The following ZFHX3 variants were observed in gnomAD, a reference collection of about 807,000 sequenced individuals.
The protein encoded by ZFHX3 is zinc finger homeobox protein 3.
Under a neutral mutation model 279.1 loss-of-function variants are expected in ZFHX3, and 42 were observed. The observed-to-expected ratio is 0.15, with a 90% CI of 0.12 to 0.19. ZFHX3 has a LOEUF of 0.19. ZFHX3 is among the 10% of genes least tolerant of loss of function. The pLI, the probability that ZFHX3 is intolerant of heterozygous loss-of-function variation, is 1.00. For missense variants in ZFHX3, 4,981 were observed against 4,754.0 expected (o/e 1.05, Z -1.40); for synonymous variants, 2,293 against 1,957.8 (o/e 1.17, Z -4.52).
chr16:73,129,609 T>C (rs28522763), intron 7 of ZFHX3, among the ~76,000 whole-genome samples: 1 of 151,734 alleles, frequency 6.6e-6, no homozygotes, highest in South Asian at 2.1e-4. Flanking sequence ...AGTGTGTGCG[T>C]GTGTGTGCAT....
chr16:73,210,622 T>C (rs1380777744), intron 5 of ZFHX3, among the ~76,000 whole-genome samples: 2 of 152,168 alleles, frequency 1.3e-5, no homozygotes, highest in Non-Finnish European at 2.9e-5. Context: ...TAAAGTACCT[T>C]CAGTAAATAA....
At chr16:73,458,749 T>C (rs1243777597) in intron 2 of ZFHX3, among the ~76,000 whole-genome samples, 1 of 152,334 alleles carries the variant, frequency 6.6e-6, no homozygotes, top group East Asian at 1.9e-4. Context: ...ATGATAGTTT[T>C]CCTTTTTAGT....
In ZFHX3 at chr16:73,732,622, T is replaced by G. The variant is rs146884671; in HGVS notation, c.-1607-52382A>C. Reference sequence around the variant, plus strand: ...GTGCTTCTAGCTTCTGCTATGGTATTTGTCTAGTTATGGATGACAGAATTC... The same window carrying G: ...GTGCTTCTAGCTTCTGCTATGGTATGTGTCTAGTTATGGATGACAGAATTC... On this transcript the variant is annotated intron_variant, in intron 1 of 17. Coordinates refer to the ZFHX3 transcript ENST00000641206. Among the ~76,000 whole-genome samples, 676 of 152,368 alleles carry G rather than the reference T, an allele frequency of 4.4e-3. 4 individuals are homozygous for G. Among genetic ancestry groups the G allele is most frequent in the African/African-American group, 0.015 (626 of 41,592 alleles).
intron 2 of ZFHX3, among the ~76,000 whole-genome samples, chr16:73,562,469 G>T (rs2020384930): frequency 6.6e-6 from 1 of 151,886 alleles, no homozygotes; most frequent in South Asian, 2.1e-4. Context: ...GGTAGCGTGC[G>T]CCTGTAATCC....
intron 2 of ZFHX3, among the ~76,000 whole-genome samples, chr16:73,643,452 A>G (rs2052591198): frequency 6.6e-6 from 1 of 152,246 alleles, no homozygotes; most frequent in Non-Finnish European, 1.5e-5. Flanking sequence ...CTGATGCACA[A>G]AATTATTTTA....
At chr16:72,986,837 G>A (rs943319567) in intron 1 of ZFHX3, among the ~76,000 whole-genome samples, 2 of 152,186 alleles carry the variant, frequency 1.3e-5, no homozygotes, top group Non-Finnish European at 2.9e-5. Context: ...TGTTTTCAGA[G>A]TGTGAAATGG....
At chr16:73,800,442 C>T (rs1960111988) in intron 1 of ZFHX3, among the ~76,000 whole-genome samples, 1 of 152,118 alleles carries the variant, frequency 6.6e-6, no homozygotes, top group Non-Finnish European at 1.5e-5. Context: ...GTCTCGAACT[C>T]CTGACCTCAG....
Position 73,548,479 on chromosome 16 carries a change from T to TA in ZFHX3, c.-1546-92222dup, listed in dbSNP as rs1555524255. ...TTGGGTGTTTAGCCTTTTTTTTTTTTAAAAAAAAGTGCAATTATATAATAA... is the reference window on the plus strand; with the variant it reads ...TTGGGTGTTTAGCCTTTTTTTTTTTTAAAAAAAAAGTGCAATTATATAATAA... On this transcript the variant is annotated intron_variant, in intron 2 of 17. Coordinates refer to the ZFHX3 transcript ENST00000641206. Among the ~76,000 whole-genome samples the TA allele has an allele frequency of 8.1e-3, 1,216 of 150,482 alleles. 49 individuals carry two copies. The highest frequency in any genetic ancestry group is 0.06 in the Admixed American group (902 of 15,112).
At chr16:73,128,670 G>C (rs1431950836) in intron 7 of ZFHX3, among the ~76,000 whole-genome samples, 4 of 152,138 alleles carry the variant, frequency 2.6e-5, no homozygotes, top group Non-Finnish European at 2.9e-5. Context: ...CATTTCTTTT[G>C]ATCTTTTACC....
At chr16:73,804,073 C>T (rs1960208261) in intron 1 of ZFHX3, among the ~76,000 whole-genome samples, 1 of 152,172 alleles carries the variant, frequency 6.6e-6, no homozygotes, top group Non-Finnish European at 1.5e-5. Context: ...GGGAAGATCA[C>T]TTTAGCCTGG....
At chr16:73,594,388 C>G (rs1276387248) in intron 2 of ZFHX3, among the ~76,000 whole-genome samples, 1 of 152,046 alleles carries the variant, frequency 6.6e-6, no homozygotes, top group East Asian at 1.9e-4. Flanking sequence ...AAAAATAAAT[C>G]AATTACCTTC....
intron 3 of ZFHX3, among the ~76,000 whole-genome samples, chr16:73,333,123 T>C (rs1325760132): frequency 6.6e-6 from 1 of 152,118 alleles, no homozygotes; most frequent in African/African-American, 2.4e-5. Context: ...AATAGTTACA[T>C]AGATACATAG....
At chr16:73,775,082 A>G (rs1258126960) in intron 1 of ZFHX3, among the ~76,000 whole-genome samples, 1 of 152,198 alleles carries the variant, frequency 6.6e-6, no homozygotes, top group Non-Finnish European at 1.5e-5. Flanking sequence ...ACACAGCTTA[A>G]GGGACAAACA....
intron 3 of ZFHX3, among the ~76,000 whole-genome samples, chr16:73,326,220 T>A (rs556225050): frequency 8.5e-5 from 13 of 152,270 alleles, no homozygotes; most frequent in South Asian, 6.2e-4. Context: ...TCATAAAGAA[T>A]AATATATCAT....
intron 1 of ZFHX3, among the ~76,000 whole-genome samples, chr16:73,740,954 C>G (rs2053651545): frequency 6.6e-6 from 1 of 151,762 alleles, no homozygotes; most frequent in Admixed American, 6.6e-5. Flanking sequence ...TATGAATAGA[C>G]TTTCCACATT....
chr16:73,440,436 C>T (rs2018071563), intron 3 of ZFHX3, among the ~76,000 whole-genome samples: 1 of 152,232 alleles, frequency 6.6e-6, no homozygotes, highest in Admixed American at 6.5e-5. Flanking sequence ...TGTAGTCAAT[C>T]TGCTTTTTTG....
chr16:72,867,724 A>G (rs920511528), intron 4 of ZFHX3, among the ~76,000 whole-genome samples: 7 of 1,836 alleles, frequency 3.8e-3, no homozygotes, highest in South Asian at 0.025. Flanking sequence ...TTGACAGGGG[A>G]AAAAAAAAAA....
intron 7 of ZFHX3, chr16:72,807,228 G>C (rs866387550): frequency 1.3e-5 from 2 of 152,146 alleles, no homozygotes; most frequent in South Asian, 2.1e-4. Context: ...ATTGGGGGAG[G>C]GCTGCCCAGC....
intron 2 of ZFHX3, among the ~76,000 whole-genome samples, chr16:73,625,820 G>A (rs145892774): frequency 2.3e-3 from 345 of 152,260 alleles, no homozygotes; most frequent in African/African-American, 8.0e-3. Context: ...AGCTCTAAAA[G>A]CTGCCTGTCC....
Sources: gnomAD v4.1 joint callset for allele counts (sites outside exome capture counted in the v4.1 genomes callset) on GRCh38, gnomAD v4.1.1 for gene constraint, MANE v1.5 for transcripts, NCBI Gene and HGNC (gene_info 2026-07-23, HGNC 2026-07-21) for gene names.